Variants in GNAO1 observed in about 807,000 individuals in gnomAD.
The protein encoded by GNAO1 is G protein subunit alpha o1.
For missense variants in GNAO1, 166 were observed against 478.7 expected (o/e 0.35, Z 6.10); for synonymous variants, 164 against 180.7 (o/e 0.91, Z 0.74).
rs147056003 is a variant in GNAO1, at chr16:56,354,484, T to G, written c.878-382T>G. 0.095 allele frequency among the ~76,000 whole-genome samples: 14,524 copies of G among 152,164 alleles called. 766 individuals are homozygous for G. The highest frequency in any genetic ancestry group is 0.16 in the South Asian group (774 of 4,818). On this transcript the variant is annotated intron_variant, in intron 7 of 8. Coordinates refer to ENST00000262493, the MANE Select transcript of GNAO1 (RefSeq NM_020988.3). This position sits in a 1 kb window ranked among gnomAD's most constrained non-coding sequence, Gnocchi z 4.3. ...TGAGGTCAGGAGTTCGAGACCAACC[T>G]GGCCAACATGGTGAAACCCCGTCTC...
rs775212759 is a variant in GNAO1, at chr16:56,192,569, A to G, written c.119-5A>G. The G allele has an allele frequency of 2.7e-5, 42 of 1,584,812 alleles. No individual in the cohort carries two copies. The highest frequency in any genetic ancestry group is 3.4e-5 in the Non-Finnish European group (40 of 1,163,834). On this transcript the variant is annotated splice_polypyrimidine_tract_variant and splice_region_variant and intron_variant, in intron 1 of 8. Transcript: ENST00000262493. ...AGTTTTTCCCCACTGTCTGTGTCCC[A>G]ACAGGGGCTGGAGAATCAGGAAAAA...
chr16:56,293,481 A>C (rs1280589915), intron 3 of GNAO1, among the ~76,000 whole-genome samples: 1 of 152,132 alleles, frequency 6.6e-6, no homozygotes, highest in Non-Finnish European at 1.5e-5. Context: ...ATGAACATGC[A>C]TGACATCTCT....
At chr16:56,307,307 T>C (rs1169257296) in intron 3 of GNAO1, 3 of 152,176 alleles carry the variant, frequency 2.0e-5, no homozygotes, top group Non-Finnish European at 2.9e-5. Context: ...GGGCAGCGGC[T>C]GGGCCTCCGC....
intron 2 of GNAO1, among the ~76,000 whole-genome samples, chr16:56,195,859 G>A (rs1275532379): frequency 3.9e-5 from 6 of 152,172 alleles, no homozygotes; most frequent in African/African-American, 9.7e-5. Flanking sequence ...TCCTTGTTGT[G>A]GTGTGCTAAT....
intron 2 of GNAO1, among the ~76,000 whole-genome samples, chr16:56,268,567 T>C (rs1186750371): frequency 1.3e-5 from 2 of 152,234 alleles, no homozygotes; most frequent in Non-Finnish European, 2.9e-5. Flanking sequence ...GGAAATGACT[T>C]GTTGTTCTTC....
chr16:56,208,440 TGTGTGTGTGCGCGCGCGCGCAC>T (rs1275004768), intron 2 of GNAO1, among the ~76,000 whole-genome samples: 2 of 105,846 alleles, frequency 1.9e-5, no homozygotes, highest in African/African-American at 7.6e-5. Context: ...TGTGTGTGTG[TGTGTGTGTGCGCGCGCGCGCAC>T]GTGTGTGTGT....
At chr16:56,318,334 C>G (rs1040828820) in intron 3 of GNAO1, among the ~76,000 whole-genome samples, 3 of 152,188 alleles carry the variant, frequency 2.0e-5, no homozygotes, top group Non-Finnish European at 4.4e-5. Context: ...CAGGCTGGGC[C>G]CCCCCAGCGG....
intron 8 of GNAO1, 155 bp from the exon 9 acceptor site, chr16:56,355,948 A>C (rs1197009472): frequency 6.6e-6 from 1 of 152,274 alleles, no homozygotes; most frequent in Non-Finnish European, 1.5e-5. Context: ...GGTGCCCGGG[A>C]TGGGCTTCAA....
At chr16:56,233,493 G>A (rs916386560) in intron 2 of GNAO1, among the ~76,000 whole-genome samples, 2 of 152,182 alleles carry the variant, frequency 1.3e-5, no homozygotes, top group African/African-American at 2.4e-5. Context: ...TTCCTCTGCC[G>A]TGTCCTCTCT....
intron 8 of GNAO1, chr16:56,355,796 G>A (rs1383414225): frequency 6.6e-6 from 1 of 152,258 alleles, no homozygotes; most frequent in African/African-American, 2.4e-5. Context: ...GGGGACTCAA[G>A]TTCACCTGCA....
chr16:56,272,719 C>A (rs1206396139), intron 2 of GNAO1, among the ~76,000 whole-genome samples: 1 of 152,184 alleles, frequency 6.6e-6, no homozygotes. Context: ...TCTCTTCTGT[C>A]AAATGGGTAT....
intron 3 of GNAO1, among the ~76,000 whole-genome samples, chr16:56,278,201 G>A (rs1477301591): frequency 2.0e-5 from 3 of 152,178 alleles, no homozygotes; most frequent in East Asian, 1.9e-4. Flanking sequence ...AGAGCTAAGC[G>A]GGACTCCCTG....
At chr16:56,335,974 T>C (rs143051736) in intron 5 of GNAO1, among the ~76,000 whole-genome samples, 2,999 of 152,292 alleles carry the variant, frequency 0.02, 55 homozygotes, top group South Asian at 0.093. Context: ...GATCCTTCCC[T>C]GTCCCCCTCT....
intron 3 of GNAO1, among the ~76,000 whole-genome samples, chr16:56,320,951 T>G (rs1346556632): frequency 6.6e-6 from 1 of 152,216 alleles, no homozygotes; most frequent in Non-Finnish European, 1.5e-5. Context: ...GTGTGCAGCA[T>G]GTATGTGGCC....
intron 3 of GNAO1, among the ~76,000 whole-genome samples, chr16:56,298,397 A>G (rs1344572331): frequency 6.6e-6 from 1 of 152,102 alleles, no homozygotes; most frequent in African/African-American, 2.4e-5. Flanking sequence ...GCCCTTATTG[A>G]TCAGCGACAG....
chr16:56,327,559 T>A (rs1039675357), intron 3 of GNAO1, among the ~76,000 whole-genome samples: 14 of 152,100 alleles, frequency 9.2e-5, no homozygotes, highest in African/African-American at 3.4e-4. Flanking sequence ...AAGGTGGCGG[T>A]GACGGTGCAG....
At chr16:56,218,776 G>A (rs1395513328) in intron 2 of GNAO1, among the ~76,000 whole-genome samples, 1 of 152,056 alleles carries the variant, frequency 6.6e-6, no homozygotes, top group African/African-American at 2.4e-5. Context: ...CCTATTCCTG[G>A]AGGCATCTTC....
intron 2 of GNAO1, among the ~76,000 whole-genome samples, chr16:56,205,527 A>C (rs2036319405): frequency 6.6e-6 from 1 of 152,134 alleles, no homozygotes; most frequent in Non-Finnish European, 1.5e-5. Context: ...TGGAGAGCCT[A>C]GTTCTGAGCT....
At chr16:56,255,616 TGTC>T (rs781103395) in intron 2 of GNAO1, 1 of 152,206 alleles carries the variant, frequency 6.6e-6, no homozygotes, top group Non-Finnish European at 1.5e-5. Context: ...TGTCTTTTCT[TGTC>T]GTCCTTCCTG....
Sources: gnomAD v4.1 joint callset for allele counts (sites outside exome capture counted in the v4.1 genomes callset) on GRCh38, gnomAD v4.1.1 for gene constraint, Gnocchi (gnomAD v3.1) non-coding constraint, MANE v1.5 for transcripts, NCBI Gene and HGNC (gene_info 2026-07-23, HGNC 2026-07-21) for gene names.